ULK4: variants seen among roughly 807,000 people sequenced by gnomAD.
ULK4 encodes inactive serine/threonine-protein kinase ULK4.
In ULK4, 133 loss-of-function variants were observed where a neutral mutation model predicts 160.6. The ratio of observed to expected loss-of-function variants is 0.83; its 90% confidence interval spans 0.72 to 0.96. The LOEUF is 0.96. ULK4 is among the 40% of genes least tolerant of loss of function. The probability of loss-of-function intolerance (pLI) is 0.00; values close to 1 mark genes in which losing one functional copy is unlikely to be tolerated. For missense variants in ULK4, 1,580 were observed against 1,499.5 expected (o/e 1.05, Z -0.89); for synonymous variants, 534 against 539.8 (o/e 0.99, Z 0.15).
chr3:41,359,165 G>A, intron 35 of ULK4, among the ~76,000 whole-genome samples: 1 of 152,210 alleles, frequency 6.6e-6, no homozygotes, highest in Non-Finnish European at 1.5e-5. Context: ...AAGGCGAACA[G>A]GAGTGAGGGA....
At chr3:41,776,431 G>GA (rs563106267) in intron 21 of ULK4, among the ~76,000 whole-genome samples, 3 of 149,502 alleles carry the variant, frequency 2.0e-5, no homozygotes, top group African/African-American at 7.6e-5. Context: ...TCTTATGTCA[G>GA]AAAAAAAATC....
At chr3:41,262,003 G>C (rs899876002) in intron 35 of ULK4, among the ~76,000 whole-genome samples, 1 of 152,206 alleles carries the variant, frequency 6.6e-6, no homozygotes, top group African/African-American at 2.4e-5. Flanking sequence ...ACACGTTAGA[G>C]ACAGGGTGAG....
rs368632065 is a variant in ULK4, at chr3:41,335,717, TGTC to T, written c.3678+62359_3678+62361del. Reference sequence around the variant, plus strand: ...GCATAAAAAATTTATAGGAGTTAGATGTCAGCAGCATGAGGGCAAAAAAAAAAA... The same window carrying T: ...GCATAAAAAATTTATAGGAGTTAGATAGCAGCATGAGGGCAAAAAAAAAAA... On this transcript the variant is annotated intron_variant, in intron 35 of 36. Transcript: ENST00000301831. Among the ~76,000 whole-genome samples the T allele has an allele frequency of 5.4e-3, 786 of 146,716 alleles. 3 individuals carry two copies. Among genetic ancestry groups the T allele is most frequent in the African/African-American group, 0.02 (762 of 38,480 alleles).
chr3:41,649,076 C>T (rs1037825512), intron 30 of ULK4, among the ~76,000 whole-genome samples: 5 of 151,244 alleles, frequency 3.3e-5, no homozygotes, highest in Admixed American at 6.6e-5. Context: ...TACAGTGAGC[C>T]GAGATTACGC....
At chr3:41,639,589 G>A (rs766949702) in intron 30 of ULK4, among the ~76,000 whole-genome samples, 39 of 152,166 alleles carry the variant, frequency 2.6e-4, no homozygotes, top group Non-Finnish European at 4.4e-4. Context: ...TTAGCCGACC[G>A]TGGTGGTGCA....
intron 31 of ULK4, among the ~76,000 whole-genome samples, chr3:41,613,395 A>C (rs2032798804): frequency 1.3e-5 from 2 of 152,194 alleles, no homozygotes; most frequent in South Asian, 4.1e-4. Flanking sequence ...CATTTGTAAA[A>C]AGAAAAATAA....
intron 33 of ULK4, among the ~76,000 whole-genome samples, chr3:41,461,538 G>C (rs2083683787): frequency 6.6e-6 from 1 of 152,112 alleles, no homozygotes; most frequent in African/African-American, 2.4e-5. Context: ...TATTATGAGG[G>C]ATGATTTAGA....
chr3:41,943,735 C>T (rs1700033121), intron 2 of ULK4, among the ~76,000 whole-genome samples: 1 of 152,140 alleles, frequency 6.6e-6, no homozygotes, highest in Non-Finnish European at 1.5e-5. Context: ...CCATACCCTG[C>T]CTTACCTCAA....
At chr3:41,284,214 C>G (rs1048870415) in intron 35 of ULK4, among the ~76,000 whole-genome samples, 1 of 151,998 alleles carries the variant, frequency 6.6e-6, no homozygotes, top group African/African-American at 2.4e-5. Context: ...AAAATTCCAC[C>G]ATAATTCTTC....
chr3:41,261,152 G>A (rs1367147918), intron 35 of ULK4, among the ~76,000 whole-genome samples: 2 of 152,090 alleles, frequency 1.3e-5, no homozygotes, highest in Admixed American at 6.5e-5. Flanking sequence ...GGTAGAAACT[G>A]TTGGATTCAC....
intron 32 of ULK4, among the ~76,000 whole-genome samples, chr3:41,468,308 G>C (rs796274274): frequency 2.0e-5 from 3 of 152,286 alleles, no homozygotes; most frequent in African/African-American, 7.2e-5. Flanking sequence ...CAAATTTAGA[G>C]AGAAACAGAG....
At chr3:41,792,871 T>G (rs1291374635) in intron 20 of ULK4, among the ~76,000 whole-genome samples, 1 of 152,192 alleles carries the variant, frequency 6.6e-6, no homozygotes, top group Non-Finnish European at 1.5e-5. Context: ...TTTTTAAACA[T>G]TTACTTATTA....
intron 30 of ULK4, among the ~76,000 whole-genome samples, chr3:41,620,229 C>A (rs57235078): frequency 6.6e-6 from 1 of 151,976 alleles, no homozygotes; most frequent in African/African-American, 2.4e-5. Flanking sequence ...TTTCAAACAA[C>A]AGAAAAAGGA....
At chr3:41,696,281 C>G (rs904935570) in intron 27 of ULK4, among the ~76,000 whole-genome samples, 2 of 152,196 alleles carry the variant, frequency 1.3e-5, no homozygotes, top group Non-Finnish European at 2.9e-5. Context: ...GTACACCTGG[C>G]TCTGCCTTTT....
chr3:41,895,334 G>A (rs78239477), intron 16 of ULK4, among the ~76,000 whole-genome samples, 184 bp downstream of exon 16: 1 of 151,980 alleles, frequency 6.6e-6, no homozygotes, highest in Non-Finnish European at 1.5e-5. Flanking sequence ...TTAGGAGAAG[G>A]GCTATTTTTA....
chr3:41,891,717 C>A (rs1257051203), intron 16 of ULK4, among the ~76,000 whole-genome samples: 1 of 152,092 alleles, frequency 6.6e-6, no homozygotes, highest in African/African-American at 2.4e-5. Flanking sequence ...GACCATCTGG[C>A]CAACACGGTA....
chr3:41,441,543 A>G (rs907702349), intron 34 of ULK4, among the ~76,000 whole-genome samples: 1 of 152,106 alleles, frequency 6.6e-6, no homozygotes, highest in African/African-American at 2.4e-5. Context: ...TAATATTTAC[A>G]TATGTATAAA....
In ULK4 at chr3:41,911,354, G is replaced by A. The variant is rs780444316; in HGVS notation, c.1048C>T (p.Leu350Phe). Residue 350 changes from leucine (L) to phenylalanine (F), a missense_variant, in exon 11 of 37, where the codon CTT becomes TTT. Leu to Phe is a conservative substitution (Grantham distance 22). Coordinates refer to ENST00000301831, the MANE Select transcript of ULK4 (RefSeq NM_017886.4). The part of the protein sequence containing the change: ...NPTEFRPKST[L>F]EGQLNESMFL... ...ATGGATTCATTCAATTGACCCTCAAGAGTACTCTTAGGCCGAAACTCAGTT... is the reference window on the plus strand; with the variant it reads ...ATGGATTCATTCAATTGACCCTCAAAAGTACTCTTAGGCCGAAACTCAGTT... The A allele has an allele frequency of 1.9e-6, 3 of 1,613,988 alleles. No homozygotes were observed. Among genetic ancestry groups the A allele is most frequent in the African/African-American group, 1.3e-5 (1 of 74,922 alleles).
At chr3:41,717,091 A>G (rs1378517546) in intron 23 of ULK4, among the ~76,000 whole-genome samples, 2 of 152,128 alleles carry the variant, frequency 1.3e-5, no homozygotes, top group African/African-American at 4.8e-5. Context: ...GTCAAAGGGT[A>G]TGAACATACA....
Sources: gnomAD v4.1 joint callset for allele counts (sites outside exome capture counted in the v4.1 genomes callset) on GRCh38, gnomAD v4.1.1 for gene constraint, MANE v1.5 for transcripts, NCBI Gene and HGNC (gene_info 2026-07-23, HGNC 2026-07-21) for gene names.